Variants in PHACTR4 observed in about 807,000 individuals in gnomAD.
PHACTR4 encodes the protein phosphatase and actin regulator 4, also known as protein phosphatase 1, regulatory subunit 124.
PHACTR4 carries 51 observed loss-of-function variants against 72.7 expected under a neutral mutation model. The ratio of observed to expected loss-of-function variants is 0.70; its 90% CI spans 0.56 to 0.89. The LOEUF is 0.89. PHACTR4 is among the 40% of genes least tolerant of loss of function. PHACTR4 has a pLI of 0.00. For missense variants in PHACTR4, 731 were observed against 861.8 expected (o/e 0.85, Z 1.90); for synonymous variants, 255 against 302.5 (o/e 0.84, Z 1.63).
At chr1:28,455,755 A>G (rs954125578) in intron 2 of PHACTR4, among the ~76,000 whole-genome samples, 10 of 152,100 alleles carry the variant, frequency 6.6e-5, no homozygotes, top group African/African-American at 2.4e-4. Context: ...TCTTGGAAAT[A>G]ATGTACTGTT....
intron 2 of PHACTR4, among the ~76,000 whole-genome samples, chr1:28,416,820 A>G (rs1248487654): frequency 6.6e-6 from 1 of 152,178 alleles, no homozygotes; most frequent in African/African-American, 2.4e-5. Context: ...AAGTAATGCA[A>G]TCCAATTTAA....
chr1:28,380,706 G>A (rs1402418239), intron 1 of PHACTR4, among the ~76,000 whole-genome samples: 5 of 152,268 alleles, frequency 3.3e-5, no homozygotes, highest in African/African-American at 1.2e-4. Flanking sequence ...AGTATTGCAT[G>A]GTGTATACAT....
intron 2 of PHACTR4, chr1:28,457,862 G>T: frequency 1.0e-6 from 1 of 984,376 alleles, no homozygotes; most frequent in Non-Finnish European, 1.2e-6. Flanking sequence ...AACAGTAGGT[G>T]GAGTGCAAAG....
intron 6 of PHACTR4, 130 bp from the exon 7 acceptor site, chr1:28,473,424 G>C: frequency 1.4e-6 from 1 of 730,126 alleles, no homozygotes; most frequent in East Asian, 2.5e-5. Flanking sequence ...TATAGGGAAT[G>C]GCAAAACTAT....
intron 2 of PHACTR4, among the ~76,000 whole-genome samples, chr1:28,409,577 A>C (rs1020716437): frequency 1.3e-5 from 2 of 152,210 alleles, no homozygotes; most frequent in Non-Finnish European, 2.9e-5. Flanking sequence ...CATCCGATTC[A>C]AGCATTTTCT....
At chr1:28,434,190 C>T (rs201425831) in intron 2 of PHACTR4, among the ~76,000 whole-genome samples, 3 of 152,086 alleles carry the variant, frequency 2.0e-5, no homozygotes, top group East Asian at 1.9e-4. Context: ...TCAGTAAGTC[C>T]GGGAGTCAGA....
rs1221196363 is a variant in PHACTR4, at chr1:28,491,795, G to T, written c.2016+8G>T. ...CTGACCCCTGCTGACAAGGTACCTG[G>T]AAAGCACTCTCTTGCTTTTTTTCTC... is the stretch of plus-strand genomic sequence containing the variant. On this transcript the variant is annotated splice_region_variant and intron_variant, in intron 12 of 13. Coordinates refer to ENST00000373839, the MANE Select transcript of PHACTR4 (RefSeq NM_001048183.3). The T allele has an allele frequency of 6.2e-7, 1 of 1,610,776 alleles. No individual in the cohort carries two copies. Among genetic ancestry groups the T allele is most frequent in the South Asian group, 1.1e-5 (1 of 90,640 alleles).
intron 1 of PHACTR4, among the ~76,000 whole-genome samples, chr1:28,390,445 G>A (rs925787446): frequency 3.9e-5 from 6 of 152,176 alleles, no homozygotes; most frequent in Admixed American, 3.3e-4. Flanking sequence ...TATCTGTTGG[G>A]TAAACTGTAG....
intron 1 of PHACTR4, among the ~76,000 whole-genome samples, chr1:28,395,595 T>TATTGAATATTTGTGCTTAAAA (rs1569812174): frequency 6.6e-6 from 1 of 151,484 alleles, no homozygotes; most frequent in East Asian, 1.9e-4. Context: ...ATATGTTACA[T>TATTGAATATTTGTGCTTAAAA]ATTGAATATT....
intron 8 of PHACTR4, 66 bp downstream of exon 8, chr1:28,476,357 G>GC: frequency 1.4e-6 from 2 of 1,448,806 alleles, no homozygotes; most frequent in Non-Finnish European, 9.2e-7. Flanking sequence ...GCTGATCTTA[G>GC]CAAGTGTCAA....
chr1:28,467,647 C>T (rs991573333), intron 6 of PHACTR4, among the ~76,000 whole-genome samples: 2 of 152,160 alleles, frequency 1.3e-5, no homozygotes, highest in Non-Finnish European at 2.9e-5. Flanking sequence ...GATTCAGTGT[C>T]TGGCATAGTT....
At chr1:28,380,050 A>ATTTTTTTTTT (rs1405487346) in intron 1 of PHACTR4, among the ~76,000 whole-genome samples, 1 of 128,078 alleles carries the variant, frequency 7.8e-6, no homozygotes, top group Non-Finnish European at 1.6e-5. Flanking sequence ...TTTAAATGTA[A>ATTTTTTTTTT]CTTTTTTTTT....
At chr1:28,468,392 A>C (rs1570049257) in intron 6 of PHACTR4, among the ~76,000 whole-genome samples, 1 of 151,724 alleles carries the variant, frequency 6.6e-6, no homozygotes, top group Non-Finnish European at 1.5e-5. Context: ...GGAGTTCAAG[A>C]CCAGCCTGGC....
chr1:28,476,420 G>T (rs1659923483), intron 8 of PHACTR4, 129 bp downstream of exon 8: 2 of 919,056 alleles, frequency 2.2e-6, no homozygotes, highest in Non-Finnish European at 1.6e-6. Flanking sequence ...GCTAACTGAT[G>T]TTGGAAGCCA....
chr1:28,428,678 A>G (rs890613114), intron 2 of PHACTR4, among the ~76,000 whole-genome samples: 9 of 152,234 alleles, frequency 5.9e-5, no homozygotes, highest in Non-Finnish European at 1.0e-4. Flanking sequence ...AAAGCATGAC[A>G]GAACCTCTCC....
chr1:28,461,818 C>CTGTG (rs2124474147), intron 4 of PHACTR4, among the ~76,000 whole-genome samples: 1 of 151,156 alleles, frequency 6.6e-6, no homozygotes, highest in Non-Finnish European at 1.5e-5. Context: ...GCGTGAGCTG[C>CTGTG]TGTGCCCAGG....
intron 1 of PHACTR4, among the ~76,000 whole-genome samples, chr1:28,402,845 T>C (rs545927646): frequency 6.6e-6 from 1 of 152,190 alleles, no homozygotes; most frequent in Non-Finnish European, 1.5e-5. Flanking sequence ...ATGGAAACTT[T>C]CCATCACAAA....
intron 1 of PHACTR4, among the ~76,000 whole-genome samples, chr1:28,405,906 A>T (rs1443593122): frequency 6.6e-6 from 1 of 151,910 alleles, no homozygotes; most frequent in Non-Finnish European, 1.5e-5. Flanking sequence ...AAAAAGGAAT[A>T]GGAAAAGAAA....
chr1:28,406,431 A>G (rs1569851343), intron 1 of PHACTR4, among the ~76,000 whole-genome samples: 1 of 151,348 alleles, frequency 6.6e-6, no homozygotes, highest in South Asian at 2.1e-4. Flanking sequence ...CTTGAGGGGG[A>G]AAAAAAAAGC....
Sources: gnomAD v4.1 joint callset for allele counts (sites outside exome capture counted in the v4.1 genomes callset) on GRCh38, gnomAD v4.1.1 for gene constraint, MANE v1.5 for transcripts, NCBI Gene and HGNC (gene_info 2026-07-23, HGNC 2026-07-21) for gene names.